The following FAM47E variants were observed in gnomAD, a reference collection of about 807,000 sequenced individuals.
The protein encoded by FAM47E is protein FAM47E.
A neutral mutation model predicts 41.6 loss-of-function variants in FAM47E; 32 were observed. That is an observed-to-expected ratio of 0.77 (90% CI 0.58 to 1.03). The LOEUF is 1.03. FAM47E is among the 50% of genes least tolerant of loss of function. The pLI, the probability that FAM47E is intolerant of heterozygous loss-of-function variation, is 0.00. For missense variants in FAM47E, 424 were observed against 485.4 expected, an observed-to-expected ratio of 0.87 and a Z score of 1.19; for synonymous variants, 184 against 188.7, an observed-to-expected ratio of 0.98 and a Z score of 0.20.
At chr4:76,265,129 G>A (rs779921710) in intron 3 of FAM47E, among the ~76,000 whole-genome samples, 4 of 152,220 alleles carry the variant, frequency 2.6e-5, no homozygotes, top group Non-Finnish European at 5.9e-5. Flanking sequence ...GACACAAGGT[G>A]AGAGGAACTC....
chr4:76,227,869 AT>A (rs1482126143), intron 2 of FAM47E, among the ~76,000 whole-genome samples: 1 of 152,066 alleles, frequency 6.6e-6, no homozygotes, highest in African/African-American at 2.4e-5. Flanking sequence ...TTTGGTGTTC[AT>A]TTGCCTAGAA....
chr4:76,251,841 C>T (rs1041738911), intron 1 of FAM47E, 21 bp downstream of exon 1: 110 of 1,407,468 alleles, frequency 7.8e-5, no homozygotes, highest in Admixed American at 1.6e-4. Context: ...AGCGCCCGGG[C>T]CGAGGGCGCA....
chr4:76,247,035 C>A (rs1305413814), upstream of FAM47E, among the ~76,000 whole-genome samples: 2 of 152,038 alleles, frequency 1.3e-5, no homozygotes, highest in Non-Finnish European at 2.9e-5. Flanking sequence ...ATTATGCAAT[C>A]ATTATCACTA....
intron 2 of FAM47E, among the ~76,000 whole-genome samples, chr4:76,232,942 TCA>T (rs965128999): frequency 6.6e-6 from 1 of 152,212 alleles, no homozygotes; most frequent in African/African-American, 2.4e-5. Context: ...GTTAACATGG[TCA>T]CAGAGAACCT....
At chr4:76,258,673 A>G (rs1202361454) in intron 2 of FAM47E, among the ~76,000 whole-genome samples, 1 of 152,200 alleles carries the variant, frequency 6.6e-6, no homozygotes, top group East Asian at 1.9e-4. Context: ...ATAGTCCCAA[A>G]CATCATAATC....
chr4:76,268,475 T>G (rs1208136457), intron 3 of FAM47E, 185 bp from the exon 4 acceptor site: 4 of 571,806 alleles, frequency 7.0e-6, no homozygotes, highest in Non-Finnish European at 1.2e-5. Flanking sequence ...CATGATATAC[T>G]TGTCTTTATG....
At chr4:76,246,603 T>C (rs2109995692) in intron 2 of FAM47E, among the ~76,000 whole-genome samples, 1 of 152,188 alleles carries the variant, frequency 6.6e-6, no homozygotes. Flanking sequence ...TCATTAAAAT[T>C]TTACATATGT....
At chr4:76,252,445 A>C (rs1226318127) in intron 1 of FAM47E, among the ~76,000 whole-genome samples, 1 of 152,166 alleles carries the variant, frequency 6.6e-6, no homozygotes, top group Non-Finnish European at 1.5e-5. Context: ...AAGATTCCAA[A>C]GTCTAGAATC....
intron 7 of FAM47E, chr4:76,282,171 T>C (rs1400979454): frequency 1.3e-5 from 2 of 152,222 alleles, no homozygotes; most frequent in Non-Finnish European, 2.9e-5. Context: ...TTCCATAACC[T>C]ATGATTAGCA....
chr4:76,228,575 C>A (rs1235191152), intron 2 of FAM47E, among the ~76,000 whole-genome samples: 1 of 151,626 alleles, frequency 6.6e-6, no homozygotes, highest in Non-Finnish European at 1.5e-5. Flanking sequence ...ATTTGTTTCT[C>A]TGAAAAATAC....
At chr4:76,263,972 AG>A in intron 3 of FAM47E, 129 bp downstream of exon 3, 16 of 1,358,332 alleles carry the variant, frequency 1.2e-5, no homozygotes, top group Non-Finnish European at 1.6e-5. Context: ...CCCAAGGAAG[AG>A]GGAAAGGAGT....
At chr4:76,252,942 T>A (rs4859437) in intron 1 of FAM47E, among the ~76,000 whole-genome samples, 17,534 of 152,090 alleles carry the variant, frequency 0.12, 1,362 homozygotes, top group East Asian at 0.34. Flanking sequence ...GGTGTGTGAG[T>A]TCTGTAACAT....
chr4:76,214,339 G>A (rs1245354373), exon 1 of FAM47E: 3 of 454,236 alleles, frequency 6.6e-6, no homozygotes, highest in Non-Finnish European at 1.3e-5. Flanking sequence ...CCTGGGGGAT[G>A]CATAAGTTTG....
intron 3 of FAM47E, among the ~76,000 whole-genome samples, chr4:76,266,509 T>C (rs1222647751): frequency 6.6e-6 from 1 of 152,204 alleles, no homozygotes; most frequent in African/African-American, 2.4e-5. Flanking sequence ...TCTCACCTTC[T>C]CCACTACTAC....
At chr4:76,263,624 T>A (rs1734509053) in intron 2 of FAM47E, 80 bp from the exon 3 acceptor site, 1 of 1,488,716 alleles carries the variant, frequency 6.7e-7, no homozygotes. Flanking sequence ...GAAGGGCAAG[T>A]TGGTCTGTTT....
chr4:76,266,361 T>C (rs1215373644), intron 3 of FAM47E, among the ~76,000 whole-genome samples: 1 of 152,236 alleles, frequency 6.6e-6, no homozygotes, highest in African/African-American at 2.4e-5. Context: ...AACTCTTGTT[T>C]TCTCCCCCGA....
chr4:76,240,789 A>G (rs931248565), intron 2 of FAM47E, among the ~76,000 whole-genome samples: 1 of 151,960 alleles, frequency 6.6e-6, no homozygotes, highest in Non-Finnish European at 1.5e-5. Flanking sequence ...TGATATTTCC[A>G]TTATGTTCAT....
rs746596253 is a variant in FAM47E at position 76,251,856 on chromosome 4, A to G, written c.74+36A>G. The G allele has an allele frequency of 1.3e-3, 1,762 of 1,372,830 alleles. 13 individuals are homozygous for G. Among genetic ancestry groups the G allele is most frequent in the Non-Finnish European group, 8.3e-4 (889 of 1,069,384 alleles). The allele number at this position is 1,372,830 out of a possible 1,614,324, so 85.0% of individuals were successfully genotyped here. On this transcript the variant is annotated intron_variant, in intron 1 of 7. Transcript: ENST00000424749. ...AGCGCCCGGGCCGAGGGCGCATCCCACGCGGGCCGCGCGGGGGCGCCTGGA... is the reference window on the plus strand; with the variant it reads ...AGCGCCCGGGCCGAGGGCGCATCCCGCGCGGGCCGCGCGGGGGCGCCTGGA...
At chr4:76,222,227 C>CT (rs1163710967) in intron 2 of FAM47E, among the ~76,000 whole-genome samples, 317 of 143,872 alleles carry the variant, frequency 2.2e-3, no homozygotes, top group Admixed American at 2.7e-3. Flanking sequence ...TTCCTATCTT[C>CT]TTTTTTTTTT....
Sources: allele counts gnomAD v4.1 joint callset (sites outside exome capture counted in the v4.1 genomes callset), GRCh38; gene constraint gnomAD v4.1.1; transcripts MANE v1.5; gene names NCBI Gene and HGNC (gene_info 2026-07-23, HGNC 2026-07-21).